The following VAMP4 variants were observed in gnomAD, a reference collection of about 807,000 sequenced individuals.
VAMP4 encodes the protein vesicle-associated membrane protein 4.
In VAMP4, 19 loss-of-function variants were observed where a neutral mutation model predicts 23.5. That is an observed-to-expected ratio of 0.81 (90% CI 0.56 to 1.19). The LOEUF is 1.19. Among genes scored for constraint, VAMP4 ranks in the 50% most tolerant of loss-of-function variants. The pLI is 0.00. For synonymous variants in VAMP4, 31 were observed against 51.0 expected (o/e 0.61, Z 1.67); for missense variants, 145 against 168.6 (o/e 0.86, Z 0.78).
chr1:171,718,891 G>A (rs1387629374), intron 4 of VAMP4, among the ~76,000 whole-genome samples: 1 of 152,034 alleles, frequency 6.6e-6, no homozygotes, highest in Non-Finnish European at 1.5e-5. Context: ...TCTTCATCAG[G>A]GGTCAACAAC....
intron 2 of VAMP4, among the ~76,000 whole-genome samples, chr1:171,735,518 G>C (rs775598414): frequency 5.9e-5 from 9 of 152,122 alleles, no homozygotes; most frequent in Non-Finnish European, 1.3e-4. Context: ...CCAGGACTGA[G>C]GTATTTACCT....
chr1:171,717,851 C>T (rs1395017003), intron 4 of VAMP4, among the ~76,000 whole-genome samples: 9 of 152,112 alleles, frequency 5.9e-5, no homozygotes. Flanking sequence ...CTAAAAGTGG[C>T]TTGTTGTATC....
Position 171,703,466 on chromosome 1 carries a change from T to C in VAMP4, c.*1040A>G, listed in dbSNP as rs1412155026. The C allele has an allele frequency of 2.5e-5, 3 of 120,196 alleles. No individual in the cohort carries two copies. Among genetic ancestry groups the C allele is most frequent in the Non-Finnish European group, 5.3e-5 (3 of 56,318 alleles). 7.4% of individuals were successfully genotyped at this position (120,196 alleles called of 1,614,324 possible). A position where few individuals can be genotyped will look rare whatever the true frequency, so the allele number is the denominator to read the frequency against. The stretch of plus-strand genomic sequence containing the variant: ...ATATATATATATATATATATATATA[T>C]ATACACATAGGTTCCTGACTTTCTA... On this transcript the variant is annotated 3_prime_UTR_variant, in exon 8 of 8. Coordinates refer to ENST00000236192, the MANE Select transcript of VAMP4 (RefSeq NM_003762.5).
intron 4 of VAMP4, among the ~76,000 whole-genome samples, chr1:171,712,987 T>C (rs1339191683): frequency 2.0e-5 from 3 of 152,232 alleles, no homozygotes; most frequent in African/African-American, 7.2e-5. Flanking sequence ...TAATTGTACC[T>C]ATTTACTTAT....
chr1:171,708,337 C>CAAAAA (rs200077955), intron 6 of VAMP4, among the ~76,000 whole-genome samples: 13 of 87,428 alleles, frequency 1.5e-4, no homozygotes, highest in East Asian at 8.7e-4. Flanking sequence ...AAGAGTGCCA[C>CAAAAA]AAAAAAAAAA....
chr1:171,703,256 C>G lies in VAMP4; in HGVS notation c.*1250G>C, dbSNP rs1489854300. On this transcript the variant is annotated 3_prime_UTR_variant, in exon 8 of 8. Coordinates refer to ENST00000236192, the MANE Select transcript of VAMP4 (RefSeq NM_003762.5). ...CACACCTTAGGGGACAATGTATTTT[C>G]ACTCTGACTTGTTTAAAAGACACAA... is the stretch of plus-strand genomic sequence containing the variant. 6.6e-6 allele frequency: 1 copy of G among 150,486 alleles called. No homozygotes were observed. The highest frequency in any genetic ancestry group is 1.5e-5 in the Non-Finnish European group (1 of 67,488). The allele number at this position is 150,486 out of a possible 1,614,324, so 9.3% of individuals were successfully genotyped here.
At chr1:171,727,708 T>C (rs1241615391) in intron 3 of VAMP4, among the ~76,000 whole-genome samples, 1 of 152,112 alleles carries the variant, frequency 6.6e-6, no homozygotes, top group Admixed American at 6.5e-5. Context: ...AATCCACACA[T>C]AAGTGAATGC....
intron 3 of VAMP4, among the ~76,000 whole-genome samples, chr1:171,725,769 C>T (rs1655344645): frequency 6.6e-6 from 1 of 151,888 alleles, no homozygotes; most frequent in Non-Finnish European, 1.5e-5. Context: ...TGGCTCACTG[C>T]AACCTCCGCC....
chr1:171,715,759 A>G (rs1417330918), intron 4 of VAMP4, among the ~76,000 whole-genome samples: 1 of 152,190 alleles, frequency 6.6e-6, no homozygotes, highest in Non-Finnish European at 1.5e-5. Context: ...CTGCAATCCT[A>G]GCATTCTGGG....
At chr1:171,740,259 A>G (rs1384912435) in intron 1 of VAMP4, among the ~76,000 whole-genome samples, 1 of 152,214 alleles carries the variant, frequency 6.6e-6, no homozygotes, top group Non-Finnish European at 1.5e-5. Flanking sequence ...ATTCTGTTCT[A>G]GAAAGACTCA....
intron 4 of VAMP4, among the ~76,000 whole-genome samples, chr1:171,714,234 C>G (rs938805325): frequency 6.6e-6 from 1 of 152,110 alleles, no homozygotes; most frequent in Non-Finnish European, 1.5e-5. Flanking sequence ...GTTTGGTTTA[C>G]AAAGCAAGTG....
intron 7 of VAMP4, among the ~76,000 whole-genome samples, chr1:171,705,969 C>T (rs767754886): frequency 1.3e-5 from 2 of 151,832 alleles, no homozygotes; most frequent in Non-Finnish European, 2.9e-5. Flanking sequence ...AACAATATTA[C>T]AAAATGCAAA....
intron 4 of VAMP4, among the ~76,000 whole-genome samples, chr1:171,714,637 T>C (rs1231937945): frequency 6.6e-6 from 1 of 152,092 alleles, no homozygotes; most frequent in Non-Finnish European, 1.5e-5. Context: ...CCGAGCATGG[T>C]GGTGTGCACC....
In VAMP4 at chr1:171,703,142, AT is replaced by A. The variant is rs542385012; in HGVS notation, c.*1363del. 4 of 151,618 alleles carry A rather than the reference AT, an allele frequency of 2.6e-5. No homozygotes were observed. The highest frequency in any genetic ancestry group is 5.9e-5 in the Non-Finnish European group (4 of 67,746). The allele number at this position is 151,618 out of a possible 1,614,324, so 9.4% of individuals were successfully genotyped here. A position where few individuals can be genotyped will look rare whatever the true frequency, so the allele number is the denominator to read the frequency against. On this transcript the variant is annotated 3_prime_UTR_variant, in exon 8 of 8. Transcript: ENST00000236192. Reference sequence around the variant, plus strand: ...ATAATTTCTATTAACCCTATTTTTAATTTAGGGAGTTTTATATTCATATTGT... The same window carrying A: ...ATAATTTCTATTAACCCTATTTTTAATTAGGGAGTTTTATATTCATATTGT...
At chr1:171,727,659 G>C (rs1225322209) in intron 3 of VAMP4, among the ~76,000 whole-genome samples, 1 of 152,144 alleles carries the variant, frequency 6.6e-6, no homozygotes, top group Non-Finnish European at 1.5e-5. Context: ...GTTTATAACA[G>C]CTTTATATGT....
At chr1:171,740,837 A>G (rs1156377468) in intron 1 of VAMP4, among the ~76,000 whole-genome samples, 2 of 152,238 alleles carry the variant, frequency 1.3e-5, no homozygotes, top group East Asian at 3.8e-4. Flanking sequence ...AGCAAACACC[A>G]TATTCAGGTC....
Position 171,709,759 on chromosome 1 carries a change from G to A in VAMP4, c.266-15C>T. 6.3e-7 allele frequency: 1 copy of A among 1,593,732 alleles called. No homozygotes were observed. The highest frequency in any genetic ancestry group is 8.6e-7 in the Non-Finnish European group (1 of 1,161,954). On this transcript the variant is annotated splice_polypyrimidine_tract_variant and intron_variant, in intron 5 of 7. Transcript: ENST00000236192. ...CGATAAGCTTTCTATATCACATAGA[G>A]GATGGAGAGAAGGATTAAACGACAT...
chr1:171,722,648 T>A (rs1655231913), intron 3 of VAMP4, among the ~76,000 whole-genome samples: 2 of 152,126 alleles, frequency 1.3e-5, no homozygotes, highest in Middle Eastern at 3.4e-3. Flanking sequence ...AACAGACACA[T>A]GAAAAAATGC....
At position 171,706,416 on chromosome 1, in the gene VAMP4, T is replaced by G; in HGVS notation, c.348A>C (p.Ile116=). 2 of 1,608,162 alleles carry G rather than the reference T, an allele frequency of 1.2e-6. No individual in the cohort carries two copies. Among genetic ancestry groups the G allele is most frequent in the Non-Finnish European group, 1.7e-6 (2 of 1,177,076 alleles). The change falls in exon 7 of 8, where the codon ATA becomes ATC. Residue 116 remains isoleucine (I), a splice_region_variant and synonymous_variant. Coordinates refer to ENST00000236192, the MANE Select transcript of VAMP4 (RefSeq NM_003762.5). The stretch of plus-strand genomic sequence containing the variant: ...CAGCAACCAAAGCCATGATGGCTTT[T>G]ATCTACAACACACAAAAGGGCATAT... ...RRQMWWRGCK[I]KAIMALVAAI... is the part of the protein sequence containing the mutation.
Sources: allele counts gnomAD v4.1 joint callset (sites outside exome capture counted in the v4.1 genomes callset), GRCh38; gene constraint gnomAD v4.1.1; transcripts MANE v1.5; gene names NCBI Gene and HGNC (gene_info 2026-07-23, HGNC 2026-07-21).